The following FAM13A variants were observed in gnomAD, a reference collection of about 807,000 sequenced individuals.
FAM13A encodes the protein protein FAM13A.
A neutral mutation model predicts 129.6 loss-of-function variants in FAM13A; 76 were observed. That is an observed-to-expected ratio of 0.59 (90% CI 0.49 to 0.71). The LOEUF is 0.71. FAM13A is among the 30% of genes least tolerant of loss of function. FAM13A has a pLI of 0.00. For missense variants in FAM13A, 1,108 were observed against 1,249.3 expected (o/e 0.89, Z 1.70); for synonymous variants, 443 against 449.9 (o/e 0.98, Z 0.20).
chr4:88,814,463 G>A (rs1435916674), intron 7 of FAM13A, among the ~76,000 whole-genome samples: 1 of 152,186 alleles, frequency 6.6e-6, no homozygotes, highest in African/African-American at 2.4e-5. Flanking sequence ...TGTGGCAATT[G>A]AGGGAGTTCA....
intron 6 of FAM13A, among the ~76,000 whole-genome samples, chr4:88,888,650 G>T (rs1238023771): frequency 6.6e-6 from 1 of 152,006 alleles, no homozygotes; most frequent in African/African-American, 2.4e-5. Flanking sequence ...TTGAGGCCAG[G>T]CACGGTGGCT....
At chr4:88,945,405 G>A (rs962444573) in intron 4 of FAM13A, among the ~76,000 whole-genome samples, 1 of 152,100 alleles carries the variant, frequency 6.6e-6, no homozygotes, top group Non-Finnish European at 1.5e-5. Flanking sequence ...TCATGCTGTG[G>A]AGTTTTTCCC....
intron 1 of FAM13A, among the ~76,000 whole-genome samples, chr4:89,045,552 C>T (rs367774133): frequency 1.1e-4 from 17 of 152,190 alleles, no homozygotes; most frequent in African/African-American, 3.6e-4. Context: ...CCGGAACAGT[C>T]CACACAAAGA....
intron 6 of FAM13A, among the ~76,000 whole-genome samples, chr4:88,874,339 G>GAAGTCA (rs1403212683): frequency 3.3e-5 from 5 of 152,184 alleles, no homozygotes; most frequent in Admixed American, 3.3e-4. Context: ...AGGAAAAGAG[G>GAAGTCA]AAGTCAAAGT....
At chr4:88,847,056 C>T (rs762328211) in intron 7 of FAM13A, among the ~76,000 whole-genome samples, 5 of 152,060 alleles carry the variant, frequency 3.3e-5, no homozygotes, top group Non-Finnish European at 1.5e-5. Context: ...ATTTGTCTCA[C>T]AAGGAGGTAA....
At chr4:88,734,566 A>G (rs117179361) in intron 21 of FAM13A, among the ~76,000 whole-genome samples, 1 of 152,376 alleles carries the variant, frequency 6.6e-6, no homozygotes, top group East Asian at 1.9e-4. Flanking sequence ...TATACAGCAA[A>G]GCATGAGTCA....
intron 6 of FAM13A, among the ~76,000 whole-genome samples, chr4:88,872,264 AT>A (rs1741551925): frequency 6.6e-6 from 1 of 152,234 alleles, no homozygotes; most frequent in Non-Finnish European, 1.5e-5. Context: ...AGCTAACATC[AT>A]AATGACAGGA....
intron 4 of FAM13A, among the ~76,000 whole-genome samples, chr4:88,941,863 T>G (rs908995565): frequency 6.6e-6 from 1 of 152,142 alleles, no homozygotes; most frequent in African/African-American, 2.4e-5. Flanking sequence ...GAAGAGTCAT[T>G]GGCAAAAAAA....
intron 4 of FAM13A, among the ~76,000 whole-genome samples, chr4:88,981,652 G>A (rs139028139): frequency 6.6e-5 from 10 of 152,296 alleles, no homozygotes; most frequent in African/African-American, 2.4e-4. Flanking sequence ...GGGATACCAG[G>A]CAGGGTGGGT....
At chr4:88,744,144 TC>T (rs1036075502) in intron 19 of FAM13A, among the ~76,000 whole-genome samples, 44 of 152,110 alleles carry the variant, frequency 2.9e-4, no homozygotes, top group Non-Finnish European at 1.6e-4. Flanking sequence ...GTATTTAGGG[TC>T]CTCAAGGTTT....
At chr4:89,016,825 C>T (rs371758509) in intron 3 of FAM13A, among the ~76,000 whole-genome samples, 14 of 152,136 alleles carry the variant, frequency 9.2e-5, no homozygotes, top group African/African-American at 2.4e-4. Context: ...TGTAGAGATG[C>T]GGTTTTGCCA....
rs76705665 is a variant in FAM13A at position 89,049,449 on chromosome 4, T to A, written c.27+7489A>T. On this transcript the variant is annotated intron_variant, in intron 1 of 23. Coordinates refer to ENST00000264344, the MANE Select transcript of FAM13A (RefSeq NM_014883.4). ...ACCACAGGAAAAAAAACCTGTGACA[T>A]CATTTCTTTACATTTTAACTAAAAC... is the stretch of plus-strand genomic sequence containing the variant. 3.0e-3 allele frequency among the ~76,000 whole-genome samples: 458 copies of A among 152,332 alleles called. 1 individual carries two copies. Among genetic ancestry groups the A allele is most frequent in the African/African-American group, 0.011 (451 of 41,576 alleles).
chr4:88,865,290 T>C (rs550265523), intron 6 of FAM13A, among the ~76,000 whole-genome samples: 2 of 152,280 alleles, frequency 1.3e-5, no homozygotes, highest in Admixed American at 1.3e-4. Context: ...GATTTCTTAA[T>C]TAAAGGAATT....
chr4:88,908,667 T>C (rs1242062980), intron 5 of FAM13A, among the ~76,000 whole-genome samples: 2 of 152,234 alleles, frequency 1.3e-5, no homozygotes, highest in African/African-American at 4.8e-5. Context: ...ATATTTACTT[T>C]TTGTTTTATG....
At chr4:88,999,793 G>A (rs1764008605) in intron 3 of FAM13A, among the ~76,000 whole-genome samples, 1 of 152,124 alleles carries the variant, frequency 6.6e-6, no homozygotes, top group East Asian at 1.9e-4. Context: ...CAGTAAAGCA[G>A]GTGTTCAAAA....
intron 6 of FAM13A, among the ~76,000 whole-genome samples, chr4:88,879,780 C>T (rs1481975957): frequency 6.6e-6 from 1 of 152,166 alleles, no homozygotes; most frequent in African/African-American, 2.4e-5. Context: ...CTCTGTCAGG[C>T]CAGGTGCCTG....
chr4:89,014,255 G>A lies in FAM13A; in HGVS notation c.427+6205C>T, dbSNP rs565667474. On this transcript the variant is annotated intron_variant, in intron 3 of 23. Transcript: ENST00000264344. ...TGCCATTGATTTTGAACTATGTGGT[G>A]GGAAGAGGTGCTGCTGACAACTTTT... 9.2e-5 allele frequency among the ~76,000 whole-genome samples: 14 copies of A among 152,282 alleles called. No individual in the cohort carries two copies. In the South Asian group the frequency reaches 2.9e-3, roughly 32 times the overall value.
chr4:88,892,584 C>T (rs1417360694), intron 6 of FAM13A, among the ~76,000 whole-genome samples: 1 of 152,140 alleles, frequency 6.6e-6, no homozygotes, highest in Non-Finnish European at 1.5e-5. Flanking sequence ...ACTTTCAAGT[C>T]TTTATTAAGG....
intron 7 of FAM13A, among the ~76,000 whole-genome samples, chr4:88,840,328 G>A (rs1176826342): frequency 6.6e-6 from 1 of 152,196 alleles, no homozygotes. Context: ...AAGACAGCAA[G>A]TACATACAAT....
Sources: gnomAD v4.1 joint callset for allele counts (sites outside exome capture counted in the v4.1 genomes callset) on GRCh38, gnomAD v4.1.1 for gene constraint, MANE v1.5 for transcripts, NCBI Gene and HGNC (gene_info 2026-07-23, HGNC 2026-07-21) for gene names.